ALDH3A2: variants seen among roughly 807,000 people sequenced by gnomAD.
ALDH3A2 encodes the protein aldehyde dehydrogenase 3 family member A2, also known as aldehyde dehydrogenase family 3 member A2.
A neutral mutation model predicts 51.3 loss-of-function variants in ALDH3A2; 36 were observed. That is an observed-to-expected ratio of 0.70 (90% CI 0.54 to 0.93). The LOEUF is 0.93. Ranked by LOEUF, ALDH3A2 falls within the 40% of genes least tolerant of loss-of-function variation. ALDH3A2 has a pLI of 0.00. For missense variants in ALDH3A2, 552 were observed against 603.1 expected (o/e 0.92, Z 0.89); for synonymous variants, 199 against 219.8 (o/e 0.91, Z 0.84).
intron 6 of ALDH3A2, chr17:19,661,471 C>T: frequency 1.7e-6 from 1 of 604,344 alleles, no homozygotes; most frequent in Non-Finnish European, 2.8e-6. Flanking sequence ...ATGATGCCAC[C>T]AGCGTTGCTC....
At chr17:19,662,902 G>A (rs1177964206) in intron 6 of ALDH3A2, among the ~76,000 whole-genome samples, 1 of 152,090 alleles carries the variant, frequency 6.6e-6, no homozygotes, top group Admixed American at 6.5e-5. Context: ...CTACTCGGGA[G>A]GCTGAGACAG....
chr17:19,665,353 A>G (rs1286571891), intron 8 of ALDH3A2, among the ~76,000 whole-genome samples: 5 of 150,704 alleles, frequency 3.3e-5, no homozygotes, highest in Non-Finnish European at 7.4e-5. Flanking sequence ...TCAGGTCTCA[A>G]ATTAATTAAG....
rs1269735765 is a variant in ALDH3A2, at chr17:19,654,318, C to T, written c.471+1686C>T. Among the ~76,000 whole-genome samples, 1 of 152,280 alleles carries T rather than the reference C, an allele frequency of 6.6e-6. No homozygotes were observed. Among genetic ancestry groups the T allele is most frequent in the Non-Finnish European group, 1.5e-5 (1 of 68,048 alleles). On this transcript the variant is annotated intron_variant, in intron 3 of 9. Transcript: ENST00000176643. The surrounding 1 kb of genome is among the most constrained non-coding windows in gnomAD (Gnocchi z 4.5). Reference sequence around the variant, plus strand: ...AGTCCAGCGCTGCGCGCCTGCACCCCTCAGCCCTTGGGCGGTCGATGGGAC... The same window carrying T: ...AGTCCAGCGCTGCGCGCCTGCACCCTTCAGCCCTTGGGCGGTCGATGGGAC...
At position 19,661,338 on chromosome 17, in the gene ALDH3A2, C is replaced by T. The variant is rs2084964107; in HGVS notation, c.940+70C>T. The T allele has an allele frequency of 5.8e-6, 9 of 1,544,160 alleles. No individual in the cohort carries two copies. In the East Asian group the frequency reaches 1.8e-4, roughly 31 times the overall value. ...AGTTTTTGCTGACACTACTTATTAA[C>T]ACTAGATAAACTATTAAATATATAG... On this transcript the variant is annotated intron_variant, in intron 6 of 9. Transcript: ENST00000176643.
At chr17:19,657,170 G>C (rs971900108) in intron 4 of ALDH3A2, among the ~76,000 whole-genome samples, 1 of 152,206 alleles carries the variant, frequency 6.6e-6, no homozygotes, top group African/African-American at 2.4e-5. Context: ...CAGGGTTCCA[G>C]GTTGGCTTCC....
intron 6 of ALDH3A2, chr17:19,661,875 AATC>A (rs1232331463): frequency 6.6e-6 from 1 of 152,138 alleles, no homozygotes; most frequent in Non-Finnish European, 1.5e-5. Flanking sequence ...AAAAAAAAAA[AATC>A]AACTTTAAAA....
rs751950980 is a variant in ALDH3A2 at position 19,673,113 on chromosome 17, G to A, written c.1443+1157G>A. ...GTATCCCAGCCTTAGTGGAATTGGA[G>A]ATACCAGTTGCATTTGAAATCATTT... On this transcript the variant is annotated intron_variant, in intron 9 of 9. Transcript: ENST00000176643. 5 of 1,613,892 alleles carry A rather than the reference G, an allele frequency of 3.1e-6. No homozygotes were observed. In the East Asian group the frequency reaches 6.7e-5, roughly 22 times the overall value.
rs1457535145 is a variant in ALDH3A2, at chr17:19,671,918, C to T, written c.1405C>T (p.Leu469Phe). The T allele has an allele frequency of 1.2e-6, 2 of 1,614,204 alleles. No individual in the cohort carries two copies. The highest frequency in any genetic ancestry group is 1.3e-5 in the African/African-American group (1 of 75,064). ...FNKEKLGLLL[L>F]TFLGIVAAVL... Reference sequence around the variant, plus strand: ...CAAAGAAAAACTCGGTCTCCTGTTGCTCACTTTCCTGGGTATTGTAGCCGC... The same window carrying T: ...CAAAGAAAAACTCGGTCTCCTGTTGTTCACTTTCCTGGGTATTGTAGCCGC... The change falls in exon 9 of 10, where the codon CTC (leucine) becomes TTC (phenylalanine). Residue 469 changes from leucine (L) to phenylalanine (F), a missense_variant. Physicochemically the swap from Leu to Phe is conservative, Grantham distance 22. Coordinates refer to ENST00000176643, the MANE Select transcript of ALDH3A2 (RefSeq NM_000382.3).
chr17:19,651,444 C>T lies in ALDH3A2; in HGVS notation c.154-103C>T, dbSNP rs374538875. Reference sequence around the variant, plus strand: ...TGGCAAACAGCTAGTCTGATAATGCCAGTTGTTGTCACTACAGGTGTACCT... The same window carrying T: ...TGGCAAACAGCTAGTCTGATAATGCTAGTTGTTGTCACTACAGGTGTACCT... On this transcript the variant is annotated intron_variant, in intron 1 of 9. Coordinates refer to ENST00000176643, the MANE Select transcript of ALDH3A2 (RefSeq NM_000382.3). The T allele has an allele frequency of 2.6e-4, 251 of 966,580 alleles. No homozygotes were observed. The African/African-American group carries it at 3.7e-3, about 14-fold the overall frequency. The allele number at this position is 966,580 out of a possible 1,614,324, so 59.9% of individuals were successfully genotyped here.
intron 3 of ALDH3A2, among the ~76,000 whole-genome samples, chr17:19,653,752 C>T (rs1161557760): frequency 6.6e-6 from 1 of 152,172 alleles, no homozygotes; most frequent in Non-Finnish European, 1.5e-5. Flanking sequence ...ACAAAGCTTC[C>T]ACAGTGTCAA....
chr17:19,667,186 C>G (rs2085050335), intron 8 of ALDH3A2, among the ~76,000 whole-genome samples: 1 of 152,168 alleles, frequency 6.6e-6, no homozygotes, highest in African/African-American at 2.4e-5. Context: ...ATATATTGTT[C>G]TGTACCCTGT....
intron 5 of ALDH3A2, 118 bp downstream of exon 5, chr17:19,657,980 G>C: frequency 1.3e-6 from 1 of 795,682 alleles, no homozygotes; most frequent in Non-Finnish European, 2.1e-6. Flanking sequence ...AATCATATGT[G>C]ACTCAGTGAA....
chr17:19,658,587 G>T (rs1371653835), intron 5 of ALDH3A2, among the ~76,000 whole-genome samples: 1 of 151,826 alleles, frequency 6.6e-6, no homozygotes, highest in Non-Finnish European at 1.5e-5. Flanking sequence ...ATCAGCCGGG[G>T]ATGGTGGTGC....
chr17:19,657,586 C>A, intron 4 of ALDH3A2, 159 bp from the exon 5 acceptor site: 1 of 674,918 alleles, frequency 1.5e-6, no homozygotes, highest in South Asian at 1.7e-5. Flanking sequence ...AAGTTCCAAA[C>A]AACTGATTTA....
In ALDH3A2 at chr17:19,654,111, A is replaced by C. The variant is rs1336957097; in HGVS notation, c.471+1479A>C. 6.6e-6 allele frequency among the ~76,000 whole-genome samples: 1 copy of C among 152,212 alleles called. No individual in the cohort carries two copies. The highest frequency in any genetic ancestry group is 1.5e-5 in the Non-Finnish European group (1 of 68,030). On this transcript the variant is annotated intron_variant, in intron 3 of 9. Transcript: ENST00000176643. This position sits in a 1 kb window ranked among gnomAD's most constrained non-coding sequence, Gnocchi z 4.5. ...AAGTTCTCCAAATCCCCACCAGATT[A>C]GCTAGATACAGAGTGCTGATTGGTG...
chr17:19,670,594 G>A (rs1348091719), intron 8 of ALDH3A2, among the ~76,000 whole-genome samples: 1 of 142,560 alleles, frequency 7.0e-6, no homozygotes, highest in Admixed American at 7.3e-5. Flanking sequence ...ACGGAGTCTC[G>A]CTCTGTCGCC....
Position 19,657,735 on chromosome 17 carries a change from T to C in ALDH3A2, c.681-10T>C, listed in dbSNP as rs776325315. The C allele has an allele frequency of 3.8e-6, 6 of 1,575,658 alleles. No individual in the cohort carries two copies. In the South Asian group the frequency reaches 6.6e-5, roughly 17 times the overall value. On this transcript the variant is annotated splice_polypyrimidine_tract_variant and intron_variant, in intron 4 of 9. Transcript: ENST00000176643. ...GAATTATATAGCTGTTCTGGATGTT[T>C]TCCCCTCAGACGCATAACCTGGGGA... is the stretch of plus-strand genomic sequence containing the variant.
rs1044457622 is a variant in ALDH3A2, at chr17:19,654,857, C to T, written c.472-1509C>T. ...TGAGAGCGAGCAAGGGTTGCCCGCACGCTCTCACCTCTCACCCAGCCTATA... is the reference window on the plus strand; with the variant it reads ...TGAGAGCGAGCAAGGGTTGCCCGCATGCTCTCACCTCTCACCCAGCCTATA... On this transcript the variant is annotated intron_variant, in intron 3 of 9. Transcript: ENST00000176643. This position sits in a 1 kb window ranked among gnomAD's most constrained non-coding sequence, Gnocchi z 4.5. 3.9e-5 allele frequency among the ~76,000 whole-genome samples: 6 copies of T among 152,252 alleles called. No homozygotes were observed. The highest frequency in any genetic ancestry group is 3.4e-3 in the Middle Eastern group (1 of 294).
chr17:19,648,657 G>C (rs1186457384), upstream of ALDH3A2: 5 of 440,416 alleles, frequency 1.1e-5, no homozygotes, highest in African/African-American at 8.1e-5. Context: ...TGCCAGAGCC[G>C]GGGAGAGGGC....
Sources: gnomAD v4.1 joint callset for allele counts (sites outside exome capture counted in the v4.1 genomes callset) on GRCh38, gnomAD v4.1.1 for gene constraint, Gnocchi (gnomAD v3.1) non-coding constraint, MANE v1.5 for transcripts, NCBI Gene and HGNC (gene_info 2026-07-23, HGNC 2026-07-21) for gene names.